Variants in SLC22A25 observed in about 807,000 individuals in gnomAD.
SLC22A25 encodes MGI:2442751, MGI:2385316, MGI:3042283, MGI:3645714, MGI:3605624, MGI:2442750.
SLC22A25 carries 44 observed loss-of-function variants against 45.9 expected under a neutral mutation model. The observed-to-expected ratio is 0.96, with a 90% confidence interval of 0.75 to 1.23. SLC22A25 has a LOEUF of 1.23. SLC22A25 is among the 50% of genes most tolerant of loss of function. The probability of loss-of-function intolerance (pLI) is 0.00; values close to 1 mark genes in which losing one functional copy is unlikely to be tolerated. For missense variants in SLC22A25, 800 were observed against 666.4 expected, an observed-to-expected ratio of 1.20 and a Z score of -2.21; for synonymous variants, 283 against 238.6, an observed-to-expected ratio of 1.19 and a Z score of -1.72.
chr11:63,229,407 A>T lies in SLC22A25; in HGVS notation c.246T>A (p.Asn82Lys). The change falls in exon 4 of 12, where the codon AAT becomes AAA. Residue 82 changes from asparagine to lysine, a missense_variant. Asn to Lys is a moderately conservative substitution (Grantham distance 94, BLOSUM62 0). Coordinates refer to ENST00000306494, the MANE Select transcript of SLC22A25 (RefSeq NM_199352.6). ...LLRISIPFDS[N>K]LRPEKCRRFV... ...AGCGACGACACTTCTCTGGCCTCAG[A>T]TTTGAGTCGAATGGGATGGAGATTC... The T allele has an allele frequency of 6.2e-7, 1 of 1,614,098 alleles. No homozygotes were observed. The highest frequency in any genetic ancestry group is 8.5e-7 in the Non-Finnish European group (1 of 1,179,974).
At chr11:63,235,116 T>C (rs553318300) in intron 3 of SLC22A25, among the ~76,000 whole-genome samples, 1 of 152,218 alleles carries the variant, frequency 6.6e-6, no homozygotes, top group South Asian at 2.1e-4. Flanking sequence ...CTGATAATTA[T>C]GTGTCTTGGA....
chr11:63,181,550 C>T (rs2088323590), intron 8 of SLC22A25, among the ~76,000 whole-genome samples: 1 of 151,894 alleles, frequency 6.6e-6, no homozygotes, highest in Non-Finnish European at 1.5e-5. Context: ...TGGAAACTAA[C>T]CCTTATGTTT....
chr11:63,164,706 G>T, intron 10 of SLC22A25, 72 bp from the exon 11 acceptor site: 1 of 1,224,556 alleles, frequency 8.2e-7, no homozygotes, highest in Non-Finnish European at 1.2e-6. Context: ...AGGTAGAAGT[G>T]AAAAGGACTG....
intron 8 of SLC22A25, among the ~76,000 whole-genome samples, chr11:63,183,190 G>A (rs1238988066): frequency 1.3e-5 from 2 of 152,200 alleles, no homozygotes; most frequent in South Asian, 2.1e-4. Context: ...ATTTGGACTG[G>A]TGTTGGTACT....
chr11:63,164,212 T>C, intron 11 of SLC22A25, 139 bp from the exon 12 acceptor site: 1 of 1,192,998 alleles, frequency 8.4e-7, no homozygotes. Flanking sequence ...AAATTTTCTC[T>C]TATTTGCTAG....
chr11:63,212,925 C>T, intron 7 of SLC22A25, among the ~76,000 whole-genome samples: 1 of 152,154 alleles, frequency 6.6e-6, no homozygotes, highest in South Asian at 2.1e-4. Context: ...TTCACTGTCC[C>T]CATGAGGGAG....
Position 63,183,822 on chromosome 11 carries a change from G to A in SLC22A25, c.831-5C>T, listed in dbSNP as rs1202230476. The A allele has an allele frequency of 1.2e-6, 2 of 1,612,686 alleles. No homozygotes were observed. The highest frequency in any genetic ancestry group is 1.3e-5 in the African/African-American group (1 of 74,852). Reference sequence around the variant, plus strand: ...CGAGCAGACTCTGCCAGCCACCTGAGCAAAGAAGAGGACAGAGGTGCAGCC... The same window carrying A: ...CGAGCAGACTCTGCCAGCCACCTGAACAAAGAAGAGGACAGAGGTGCAGCC... On this transcript the variant is annotated splice_region_variant and splice_polypyrimidine_tract_variant and intron_variant, in intron 7 of 11. Transcript: ENST00000306494.
chr11:63,238,876 G>T lies in SLC22A25; in HGVS notation c.-736C>A. 1 of 242,200 alleles carries T rather than the reference G, an allele frequency of 4.1e-6. No homozygotes were observed. The highest frequency in any genetic ancestry group is 7.5e-5 in the South Asian group (1 of 13,392). The allele number at this position is 242,200 out of a possible 1,614,324, so 15.0% of individuals were successfully genotyped here. ...ACAACGTTTCTGTGGCCTCAGGTTT[G>T]AGTCCAGTGAGATAGAGATTCTCAG... is the stretch of plus-strand genomic sequence containing the variant. On this transcript the variant is annotated 5_prime_UTR_variant, in exon 2 of 12. Transcript: ENST00000306494.
chr11:63,200,636 T>C (rs376542693), intron 7 of SLC22A25, among the ~76,000 whole-genome samples: 108 of 152,120 alleles, frequency 7.1e-4, no homozygotes, highest in African/African-American at 2.4e-3. Flanking sequence ...CTATTCAACA[T>C]AGTATTGGAA....
intron 7 of SLC22A25, among the ~76,000 whole-genome samples, chr11:63,208,470 C>G (rs902686336): frequency 6.6e-6 from 1 of 152,128 alleles, no homozygotes; most frequent in Admixed American, 6.5e-5. Flanking sequence ...GATCTGGAGA[C>G]AGGAACTGGG....
intron 10 of SLC22A25, among the ~76,000 whole-genome samples, chr11:63,164,980 G>A (rs566631575): frequency 1.3e-5 from 2 of 152,092 alleles, no homozygotes; most frequent in Non-Finnish European, 2.9e-5. Context: ...GCAGAAAACA[G>A]GAGTGTCATG....
At chr11:63,207,146 G>T (rs958624647) in intron 7 of SLC22A25, among the ~76,000 whole-genome samples, 1 of 152,094 alleles carries the variant, frequency 6.6e-6, no homozygotes, top group Admixed American at 6.6e-5. Context: ...TTAAATGTAA[G>T]ACCTAAAGGC....
At position 63,183,701 on chromosome 11, in the gene SLC22A25, G is replaced by A; in HGVS notation, c.947C>T (p.Thr316Ile). 1 of 1,612,758 alleles carries A rather than the reference G, an allele frequency of 6.2e-7. No individual in the cohort carries two copies. Among genetic ancestry groups the A allele is most frequent in the Non-Finnish European group, 8.5e-7 (1 of 1,179,152 alleles). The part of the protein sequence containing the change: ...NGMKNAEDIL[T>I]MEVLKSTMKQ... ...AGCTCCCGTCTTGCTTACCTCCATG[G>A]TTAGGATGTCTTCAGCATTCTTCAT... Residue 316 changes from threonine (T) to isoleucine (I), a missense_variant, in exon 8 of 12, where the codon ACC becomes ATC. Coordinates refer to ENST00000306494, the MANE Select transcript of SLC22A25 (RefSeq NM_199352.6).
chr11:63,164,541 A>G lies in SLC22A25; in HGVS notation c.1379T>C (p.Ile460Thr), dbSNP rs757098251. 1 of 1,613,674 alleles carries G rather than the reference A, an allele frequency of 6.2e-7. No individual in the cohort carries two copies. The highest frequency in any genetic ancestry group is 8.5e-7 in the Non-Finnish European group (1 of 1,179,698). ...TCSTAQENEL[I>T]PSIIRGRATG... Reference sequence around the variant, plus strand: ...ACTTTTGTACCTGATTATGGAAGGAATTAGTTCATTTTCTTGGGCAGTAGA... The same window carrying G: ...ACTTTTGTACCTGATTATGGAAGGAGTTAGTTCATTTTCTTGGGCAGTAGA... Residue 460 changes from isoleucine to threonine, a missense_variant, in exon 11 of 12, where the codon ATT (isoleucine) becomes ACT (threonine). Physicochemically the swap from Ile to Thr is moderately conservative, Grantham distance 89. Transcript: ENST00000306494.
chr11:63,205,968 T>C (rs921048530), intron 7 of SLC22A25, among the ~76,000 whole-genome samples: 1 of 152,120 alleles, frequency 6.6e-6, no homozygotes, highest in African/African-American at 2.4e-5. Context: ...GTCAGCTTCA[T>C]CCCTGGGATG....
chr11:63,207,089 T>C (rs1307214518), intron 7 of SLC22A25, among the ~76,000 whole-genome samples: 3 of 151,640 alleles, frequency 2.0e-5, no homozygotes, highest in African/African-American at 7.2e-5. Flanking sequence ...TACAGAAAAC[T>C]GAGGGGTCCA....
Position 63,176,260 on chromosome 11 carries a change from C to T in SLC22A25, c.1070+4400G>A, listed in dbSNP as rs562280334. On this transcript the variant is annotated intron_variant, in intron 9 of 11. Coordinates refer to ENST00000306494, the MANE Select transcript of SLC22A25 (RefSeq NM_199352.6). ...TTTTTCTATTTCTGTAAAATAATGC[C>T]GCTGAGATTTTGATAGGGATTGCAC... Among the ~76,000 whole-genome samples the T allele has an allele frequency of 1.2e-4, 18 of 151,966 alleles. No homozygotes were observed. The East Asian group carries it at 2.5e-3, about 21-fold the overall frequency.
intron 7 of SLC22A25, among the ~76,000 whole-genome samples, chr11:63,205,318 G>T (rs1447055847): frequency 6.6e-6 from 1 of 151,998 alleles, no homozygotes; most frequent in Non-Finnish European, 1.5e-5. Flanking sequence ...GATCAGAGCA[G>T]AAATGAGAGA....
intron 9 of SLC22A25, chr11:63,166,493 T>C: frequency 1.6e-6 from 2 of 1,287,580 alleles, no homozygotes; most frequent in Non-Finnish European, 2.0e-6. Context: ...GGATGTGCTA[T>C]GGGGTTTATT....
Sources: gnomAD v4.1 joint callset for allele counts (sites outside exome capture counted in the v4.1 genomes callset) on GRCh38, gnomAD v4.1.1 for gene constraint, MANE v1.5 for transcripts, NCBI Gene and HGNC (gene_info 2026-07-23, HGNC 2026-07-21) for gene names.